PTPRQ: variants seen among roughly 807,000 people sequenced by gnomAD.
The protein encoded by PTPRQ is phosphatidylinositol phosphatase PTPRQ.
A neutral mutation model predicts 246.0 loss-of-function variants in PTPRQ; 199 were observed. The observed-to-expected ratio is 0.81, with a 90% CI of 0.72 to 0.91. PTPRQ has a LOEUF of 0.91. PTPRQ is among the 40% of genes least tolerant of loss of function. PTPRQ has a pLI of 0.00. For synonymous variants in PTPRQ, 869 were observed against 853.2 expected (o/e 1.02, Z -0.32); for missense variants, 2,624 against 2,528.4 (o/e 1.04, Z -0.81).
At chr12:80,507,549 A>G (rs1355356423) in intron 16 of PTPRQ, among the ~76,000 whole-genome samples, 2 of 151,824 alleles carry the variant, frequency 1.3e-5, no homozygotes, top group East Asian at 1.9e-4. Flanking sequence ...TTTTCCCTGC[A>G]TTGCTCTCTT....
At position 80,613,732 on chromosome 12, in the gene PTPRQ, C is replaced by A; in HGVS notation, c.5059C>A (p.Pro1687Thr). 6.5e-7 allele frequency: 1 copy of A among 1,546,024 alleles called. No individual in the cohort carries two copies. The highest frequency in any genetic ancestry group is 8.7e-7 in the Non-Finnish European group (1 of 1,143,190). The change falls in exon 29 of 45, where the codon CCT (proline) becomes ACT (threonine). Residue 1687 changes from proline (P) to threonine (T), a missense_variant. By Grantham distance (38) the Pro-to-Thr change is conservative (BLOSUM62 -1). Transcript: ENST00000644991. ...AGCTCTGGTTTACCGAGAAGATGAT[C>A]CTACTGCTGTCCAGATTCACAACCT... is the stretch of plus-strand genomic sequence containing the variant. Reference protein sequence around the residue: ...YQALVYREDDPTAVQIHNLSI... With the variant: ...YQALVYREDDTTAVQIHNLSI...
intron 22 of PTPRQ, 35 bp downstream of exon 22, chr12:80,542,399 A>T: frequency 4.6e-6 from 7 of 1,513,356 alleles, no homozygotes; most frequent in Non-Finnish European, 5.3e-6. Context: ...AAACAATTTC[A>T]CTGTTGCAGC....
intron 25 of PTPRQ, among the ~76,000 whole-genome samples, chr12:80,551,861 A>G (rs909376160): frequency 6.6e-6 from 1 of 151,888 alleles, no homozygotes; most frequent in Non-Finnish European, 1.5e-5. Context: ...TCTAGTATGA[A>G]CTAATAATTG....
intron 17 of PTPRQ, among the ~76,000 whole-genome samples, chr12:80,532,888 T>C (rs1895884852): frequency 6.6e-6 from 1 of 152,204 alleles, no homozygotes; most frequent in Non-Finnish European, 1.5e-5. Flanking sequence ...GGTGCTTCTG[T>C]GGCAGTAAAA....
chr12:80,504,747 G>A (rs1474714091), intron 14 of PTPRQ, among the ~76,000 whole-genome samples: 1 of 151,744 alleles, frequency 6.6e-6, no homozygotes, highest in Non-Finnish European at 1.5e-5. Context: ...GTTTCTTCAG[G>A]GTACATATAG....
chr12:80,593,623 T>C (rs900992404), intron 26 of PTPRQ: 10 of 152,178 alleles, frequency 6.6e-5, no homozygotes, highest in Non-Finnish European at 1.5e-5. Flanking sequence ...AGTGTATAGA[T>C]ACAAATATAA....
At chr12:80,670,565 T>C in intron 42 of PTPRQ, 73 bp downstream of exon 42, 6 of 1,402,026 alleles carry the variant, frequency 4.3e-6, no homozygotes, top group Non-Finnish European at 5.6e-6. Flanking sequence ...GGTTATTTTT[T>C]ATAAAATGTT....
At position 80,670,400 on chromosome 12, in the gene PTPRQ, G is replaced by C; in HGVS notation, c.6510G>C (p.Gly2170=). Reference sequence around the variant, plus strand: ...ACTTTACTGCCTGGCCAGAGCATGGGGTTCCTGAGAACAGCGCCCCTCTAA... The same window carrying C: ...ACTTTACTGCCTGGCCAGAGCATGGCGTTCCTGAGAACAGCGCCCCTCTAA... ...QCNFTAWPEH[G]VPENSAPLIH... Residue 2170 remains glycine (G), a synonymous_variant, in exon 42 of 45, where the codon GGG becomes GGC. Coordinates refer to ENST00000644991, the MANE Select transcript of PTPRQ (RefSeq NM_001145026.2). The C allele has an allele frequency of 6.4e-7, 1 of 1,551,154 alleles. No individual in the cohort carries two copies.
Position 80,588,239 on chromosome 12 carries a change from A to G in PTPRQ, c.4396A>G (p.Thr1466Ala). The stretch of plus-strand genomic sequence containing the variant: ...TGGCTACTTTCAAAATTACAAAATT[A>G]CCACTCAACTTCGTGCTCAAAAATG... ...ILGYFQNYKI[T>A]TQLRAQKCKE... The change falls in exon 26 of 45, where the codon ACC becomes GCC. Residue 1466 changes from threonine (T) to alanine (A), a missense_variant. By Grantham distance (58) the Thr-to-Ala change is moderately conservative (BLOSUM62 0). Transcript: ENST00000644991. 1.3e-6 allele frequency: 2 copies of G among 1,551,674 alleles called. No homozygotes were observed. The highest frequency in any genetic ancestry group is 1.7e-6 in the Non-Finnish European group (2 of 1,146,950).
intron 9 of PTPRQ, among the ~76,000 whole-genome samples, chr12:80,485,029 C>G (rs1280296554): frequency 2.7e-5 from 4 of 150,254 alleles, no homozygotes; most frequent in Non-Finnish European, 4.4e-5. Flanking sequence ...TCTATTTGGT[C>G]TTGGGAAGCT....
chr12:80,589,388 A>T (rs144086481), intron 26 of PTPRQ, among the ~76,000 whole-genome samples: 4 of 152,300 alleles, frequency 2.6e-5, no homozygotes, highest in African/African-American at 9.6e-5. Flanking sequence ...CTTCAGATAT[A>T]GGCCTTATGT....
At chr12:80,576,998 T>C (rs1257021555) in intron 25 of PTPRQ, among the ~76,000 whole-genome samples, 1 of 152,190 alleles carries the variant, frequency 6.6e-6, no homozygotes, top group Non-Finnish European at 1.5e-5. Flanking sequence ...ATAGGAGTGG[T>C]CTCAATAGAT....
intron 33 of PTPRQ, 99 bp from the exon 34 acceptor site, chr12:80,632,093 G>T (rs1471429293): frequency 4.4e-5 from 63 of 1,425,730 alleles, no homozygotes; most frequent in Non-Finnish European, 5.3e-5. Context: ...CTTCAGCAAA[G>T]AATATTTTCT....
At chr12:80,448,622 G>C (rs2120401193) in intron 3 of PTPRQ, among the ~76,000 whole-genome samples, 1 of 150,568 alleles carries the variant, frequency 6.6e-6, no homozygotes, top group Admixed American at 6.6e-5. Context: ...AGAATATGCG[G>C]TACTTGGTTT....
In PTPRQ at chr12:80,535,026, A is replaced by G; in HGVS notation, c.2974A>G (p.Thr992Ala). The G allele has an allele frequency of 6.5e-7, 1 of 1,528,230 alleles. No individual in the cohort carries two copies. Among genetic ancestry groups the G allele is most frequent in the South Asian group, 1.3e-5 (1 of 77,426 alleles). 94.7% of individuals were successfully genotyped at this position (1,528,230 alleles called of 1,614,324 possible). ...YSVYYRNTSG[T>A]FMQNFTLHEV... ...TGTTTATTACAGAAATACTTCAGGT[A>G]CTTTTATGCAGGTAAGAACTGAATT... Residue 992 changes from threonine to alanine, a missense_variant, in exon 19 of 45, where the codon ACT becomes GCT. Coordinates refer to ENST00000644991, the MANE Select transcript of PTPRQ (RefSeq NM_001145026.2).
intron 17 of PTPRQ, among the ~76,000 whole-genome samples, chr12:80,514,654 C>G (rs1304213629): frequency 7.3e-6 from 1 of 136,966 alleles, no homozygotes; most frequent in Non-Finnish European, 1.6e-5. Flanking sequence ...ATTTTGTATA[C>G]AAAATATATA....
intron 8 of PTPRQ, among the ~76,000 whole-genome samples, chr12:80,480,850 A>G (rs1441207779): frequency 6.6e-6 from 1 of 152,228 alleles, no homozygotes; most frequent in Admixed American, 6.5e-5. Context: ...TGAATAGACC[A>G]ATAACAGGCT....
chr12:80,463,953 C>T (rs1893303236), intron 6 of PTPRQ, among the ~76,000 whole-genome samples: 1 of 151,858 alleles, frequency 6.6e-6, no homozygotes, highest in African/African-American at 2.4e-5. Flanking sequence ...GAAGAAACTG[C>T]ATCAACTAAC....
intron 17 of PTPRQ, among the ~76,000 whole-genome samples, chr12:80,527,269 T>G (rs1473468400): frequency 6.6e-6 from 1 of 152,122 alleles, no homozygotes; most frequent in Non-Finnish European, 1.5e-5. Flanking sequence ...CCCTGTCAAG[T>G]AATTGTTAAC....
Sources: allele counts gnomAD v4.1 joint callset (sites outside exome capture counted in the v4.1 genomes callset), GRCh38; gene constraint gnomAD v4.1.1; transcripts MANE v1.5; gene names NCBI Gene and HGNC (gene_info 2026-07-23, HGNC 2026-07-21).